The following MDGA2 variants were observed in gnomAD, a reference collection of about 807,000 sequenced individuals.
MDGA2 encodes the protein MAM domain containing glycosylphosphatidylinositol anchor 2.
A neutral mutation model predicts 117.8 loss-of-function variants in MDGA2; 40 were observed. The ratio of observed to expected loss-of-function variants is 0.34; its 90% CI spans 0.26 to 0.44. The LOEUF is 0.44. Ranked by LOEUF, MDGA2 falls within the 20% of genes least tolerant of loss-of-function variation. The pLI is 1.00. For missense variants in MDGA2, 1,123 were observed against 1,250.6 expected, an observed-to-expected ratio of 0.90 and a Z score of 1.54; for synonymous variants, 452 against 439.0, an observed-to-expected ratio of 1.03 and a Z score of -0.37.
At chr14:47,557,961 T>C (rs1895716296) in intron 1 of MDGA2, among the ~76,000 whole-genome samples, 1 of 152,208 alleles carries the variant, frequency 6.6e-6, no homozygotes, top group South Asian at 2.1e-4. Context: ...TTTGTCATTA[T>C]AAATACTTCA....
intron 2 of MDGA2, among the ~76,000 whole-genome samples, chr14:47,229,135 T>A (rs1886604169): frequency 6.6e-6 from 1 of 152,156 alleles, no homozygotes. Flanking sequence ...TCAAGCTTGC[T>A]AAATTAACTA....
At chr14:46,881,797 C>T (rs1216842096) in intron 11 of MDGA2, among the ~76,000 whole-genome samples, 1 of 151,946 alleles carries the variant, frequency 6.6e-6, no homozygotes, top group East Asian at 1.9e-4. Flanking sequence ...AATAAAGAAA[C>T]ATTGCTTATA....
chr14:46,986,052 T>TACCAAAAA (rs1231378831), intron 8 of MDGA2, among the ~76,000 whole-genome samples: 3 of 152,064 alleles, frequency 2.0e-5, no homozygotes, highest in Admixed American at 2.0e-4. Context: ...AGTGCCATTG[T>TACCAAAAA]AGTTTGTTAG....
chr14:47,584,174 C>G (rs1245663295), intron 1 of MDGA2, among the ~76,000 whole-genome samples: 1 of 151,954 alleles, frequency 6.6e-6, no homozygotes, highest in African/African-American at 2.4e-5. Context: ...ATTTCACTCA[C>G]CCATTGAACA....
intron 14 of MDGA2, among the ~76,000 whole-genome samples, chr14:46,864,826 C>T (rs527975666): frequency 7.9e-5 from 12 of 151,910 alleles, no homozygotes; most frequent in Non-Finnish European, 1.5e-4. Flanking sequence ...CACTAAGGAG[C>T]CTTATCTATC....
At chr14:47,243,008 T>C (rs1887111968) in intron 2 of MDGA2, among the ~76,000 whole-genome samples, 1 of 151,754 alleles carries the variant, frequency 6.6e-6, no homozygotes, top group Non-Finnish European at 1.5e-5. Flanking sequence ...AGTGCACCAG[T>C]CGACACTCTG....
At chr14:47,577,580 A>T (rs1029440764) in intron 1 of MDGA2, among the ~76,000 whole-genome samples, 7 of 152,194 alleles carry the variant, frequency 4.6e-5, no homozygotes, top group Admixed American at 4.6e-4. Flanking sequence ...CAAGTAACTT[A>T]AACAAATTTA....
At chr14:47,393,093 AAATAATAATAAT>A (rs10601470) in intron 1 of MDGA2, among the ~76,000 whole-genome samples, 10 of 147,378 alleles carry the variant, frequency 6.8e-5, no homozygotes, top group Non-Finnish European at 1.2e-4. Context: ...CAGATAATTA[AAATAATAATAAT>A]AATAATAATA....
chr14:47,450,232 G>A (rs564637578), intron 1 of MDGA2, among the ~76,000 whole-genome samples: 14 of 151,942 alleles, frequency 9.2e-5, no homozygotes, highest in African/African-American at 3.4e-4. Context: ...ACAAATATTA[G>A]ACCCTCAGTG....
At position 47,674,691 on chromosome 14, in the gene MDGA2, C is replaced by G; in HGVS notation, c.106G>C (p.Gly36Arg). The G allele has an allele frequency of 8.9e-7, 1 of 1,124,496 alleles. No homozygotes were observed. The highest frequency in any genetic ancestry group is 1.3e-6 in the Non-Finnish European group (1 of 758,436). The allele number at this position is 1,124,496 out of a possible 1,614,324, so 69.7% of individuals were successfully genotyped here. Residue 36 changes from glycine (G) to arginine (R), a missense_variant, in exon 1 of 17, where the codon GGC (glycine) becomes CGC (arginine). By Grantham distance (125) the Gly-to-Arg change is moderately radical. Coordinates refer to ENST00000399232, the MANE Select transcript of MDGA2 (RefSeq NM_001113498.3). Reference protein sequence around the residue: ...LLRRAVPGHLGLARARVERAW... With the variant: ...LLRRAVPGHLRLARARVERAW... ...CGCTCCACTCGCGCCCGGGCCAAGC[C>G]GAGGTGCCCGGGAACCGCTCGCCGA...
At chr14:47,204,864 C>T (rs1385758054) in intron 3 of MDGA2, among the ~76,000 whole-genome samples, 1 of 151,932 alleles carries the variant, frequency 6.6e-6, no homozygotes, top group Non-Finnish European at 1.5e-5. Context: ...TGTGGGTACA[C>T]AGTTACAAGA....
intron 1 of MDGA2, among the ~76,000 whole-genome samples, chr14:47,547,070 G>A (rs1895477423): frequency 6.6e-6 from 1 of 152,210 alleles, no homozygotes; most frequent in Non-Finnish European, 1.5e-5. Context: ...GGCCCATTCA[G>A]TTTTTAATGA....
At chr14:47,294,103 CTTTTTTTTTTTTTT>C (rs35698427) in intron 2 of MDGA2, among the ~76,000 whole-genome samples, 1 of 99,142 alleles carries the variant, frequency 1.0e-5, no homozygotes. Context: ...ATATGGCAAT[CTTTTTTTTTTTTTT>C]TTTTTTTTTG....
intron 1 of MDGA2, among the ~76,000 whole-genome samples, chr14:47,453,151 T>C (rs1031312987): frequency 1.5e-4 from 23 of 152,044 alleles, no homozygotes; most frequent in Non-Finnish European, 2.8e-4. Flanking sequence ...TATTAATATA[T>C]ACATTTATAG....
At chr14:47,260,825 C>T (rs992969323) in intron 2 of MDGA2, among the ~76,000 whole-genome samples, 2 of 151,874 alleles carry the variant, frequency 1.3e-5, no homozygotes, top group Non-Finnish European at 2.9e-5. Context: ...ATATGTATCC[C>T]CTTTGTACAT....
chr14:46,948,135 TC>T lies in MDGA2; in HGVS notation c.2089+9238del, dbSNP rs150980197. ...TCTTTTCTGCAATGCTCTTTTTTCT[TC>T]ATCATGTTTCTTATATCCTCCCTGC... On this transcript the variant is annotated intron_variant, in intron 9 of 16. Transcript: ENST00000399232. Among the ~76,000 whole-genome samples, 854 of 152,160 alleles carry T rather than the reference TC, an allele frequency of 5.6e-3. 13 individuals carry two copies. The highest frequency in any genetic ancestry group is 0.02 in the African/African-American group (815 of 41,530).
intron 1 of MDGA2, among the ~76,000 whole-genome samples, chr14:47,552,753 A>G (rs1406655444): frequency 6.6e-6 from 1 of 152,146 alleles, no homozygotes; most frequent in Non-Finnish European, 1.5e-5. Context: ...TCAAAGTAAT[A>G]GTCAAATTTT....
intron 1 of MDGA2, among the ~76,000 whole-genome samples, chr14:47,569,047 T>C (rs939226304): frequency 1.3e-5 from 2 of 152,110 alleles, no homozygotes; most frequent in Admixed American, 1.3e-4. Context: ...AATCGGCTGA[T>C]TACTGAAATA....
intron 16 of MDGA2, among the ~76,000 whole-genome samples, chr14:46,845,487 CAA>C (rs1880799022): frequency 1.3e-5 from 2 of 152,066 alleles, no homozygotes; most frequent in African/African-American, 4.8e-5. Context: ...CAAATAATAT[CAA>C]AGTGTTTTAA....
Sources: allele counts gnomAD v4.1 joint callset (sites outside exome capture counted in the v4.1 genomes callset), GRCh38; gene constraint gnomAD v4.1.1; transcripts MANE v1.5; gene names NCBI Gene and HGNC (gene_info 2026-07-23, HGNC 2026-07-21).